The following DNAJC15 variants were observed in gnomAD, a reference collection of about 807,000 sequenced individuals.
DNAJC15 encodes the protein DnaJ heat shock protein family (Hsp40) member C15.
DNAJC15 carries 27 observed loss-of-function variants against 22.4 expected under a neutral mutation model. That is an observed-to-expected ratio of 1.20 (90% CI 0.89 to 1.66). DNAJC15 has a LOEUF of 1.66. Ranked by LOEUF, DNAJC15 falls within the 40% of genes most tolerant of loss-of-function variation. DNAJC15 has a pLI of 0.00. For missense variants in DNAJC15, 208 were observed against 187.1 expected (o/e 1.11, Z -0.65); for synonymous variants, 79 against 63.2 (o/e 1.25, Z -1.19).
At chr13:43,082,811 T>TA (rs945114088) in intron 4 of DNAJC15, among the ~76,000 whole-genome samples, 13 of 151,776 alleles carry the variant, frequency 8.6e-5, no homozygotes, top group African/African-American at 2.7e-4. Context: ...ATATATCTTC[T>TA]AAAAAAATAC....
rs549648097 is a variant in DNAJC15, at chr13:43,044,773, T to G, written c.109-20913T>G. Reference sequence around the variant, plus strand: ...ACTCCATATCCAGTGTCTCAGCAAATCCTATTGGCCTTACCTCCGAACTCT... The same window carrying G: ...ACTCCATATCCAGTGTCTCAGCAAAGCCTATTGGCCTTACCTCCGAACTCT... On this transcript the variant is annotated intron_variant, in intron 1 of 5. Transcript: ENST00000379221. Among the ~76,000 whole-genome samples the G allele has an allele frequency of 2.8e-3, 420 of 152,132 alleles. 2 individuals carry two copies. The highest frequency in any genetic ancestry group is 9.7e-3 in the African/African-American group (402 of 41,496).
chr13:43,102,281 AT>A (rs1260229815), intron 5 of DNAJC15, among the ~76,000 whole-genome samples: 3 of 150,934 alleles, frequency 2.0e-5, no homozygotes, highest in Non-Finnish European at 3.0e-5. Flanking sequence ...GGGATTATTT[AT>A]TTTTTTCTTG....
chr13:43,037,570 C>A lies in DNAJC15; in HGVS notation c.108+13836C>A, dbSNP rs180758500. Among the ~76,000 whole-genome samples the A allele has an allele frequency of 2.4e-3, 362 of 152,096 alleles. 1 individual carries two copies. Among genetic ancestry groups the A allele is most frequent in the Non-Finnish European group, 4.3e-3 (294 of 67,962 alleles). ...CTTCTGATGTTAAAACATGTTAAACCCATCTCACCAGGTGAGATCTTCCTT... is the reference window on the plus strand; with the variant it reads ...CTTCTGATGTTAAAACATGTTAAACACATCTCACCAGGTGAGATCTTCCTT... On this transcript the variant is annotated intron_variant, in intron 1 of 5. Coordinates refer to ENST00000379221, the MANE Select transcript of DNAJC15 (RefSeq NM_013238.3).
intron 5 of DNAJC15, among the ~76,000 whole-genome samples, chr13:43,105,114 A>C (rs906985611): frequency 6.6e-6 from 1 of 151,786 alleles, no homozygotes; most frequent in Non-Finnish European, 1.5e-5. Flanking sequence ...TATTGTTGGA[A>C]GATCTGAAGG....
intron 5 of DNAJC15, among the ~76,000 whole-genome samples, chr13:43,097,512 A>G (rs908366256): frequency 8.5e-5 from 13 of 152,202 alleles, no homozygotes; most frequent in Middle Eastern, 3.2e-3. Context: ...TAGGAAGACT[A>G]TTTTGGCAGC....
chr13:43,040,042 AT>A (rs1468304369), intron 1 of DNAJC15, among the ~76,000 whole-genome samples: 5 of 152,188 alleles, frequency 3.3e-5, no homozygotes, highest in Non-Finnish European at 7.3e-5. Context: ...AGAAAAAGAA[AT>A]ATATACATTT....
Position 43,059,110 on chromosome 13 carries a change from G to A in DNAJC15, c.109-6576G>A, listed in dbSNP as rs1440999461. Among the ~76,000 whole-genome samples, 2 of 152,124 alleles carry A rather than the reference G, an allele frequency of 1.3e-5. 1 individual carries two copies. Among genetic ancestry groups the A allele is most frequent in the Non-Finnish European group, 2.9e-5 (2 of 68,022 alleles). On this transcript the variant is annotated intron_variant, in intron 1 of 5. Transcript: ENST00000379221. Reference sequence around the variant, plus strand: ...CTCCACATGCTGTTTCTGCACGTCCGAGTGGGAGCTGGAAGTTAGTCCAGC... The same window carrying A: ...CTCCACATGCTGTTTCTGCACGTCCAAGTGGGAGCTGGAAGTTAGTCCAGC...
chr13:43,047,288 T>C (rs2040482926), intron 1 of DNAJC15, among the ~76,000 whole-genome samples: 1 of 152,200 alleles, frequency 6.6e-6, no homozygotes, highest in Non-Finnish European at 1.5e-5. Flanking sequence ...GGATTTGAAA[T>C]AGGTAAATGA....
At chr13:43,104,156 C>A (rs769026203) in intron 5 of DNAJC15, among the ~76,000 whole-genome samples, 9 of 152,042 alleles carry the variant, frequency 5.9e-5, no homozygotes, top group Non-Finnish European at 1.0e-4. Flanking sequence ...AGACATACAC[C>A]ATTTCCATAA....
chr13:43,061,631 C>T (rs2040559460), intron 1 of DNAJC15, among the ~76,000 whole-genome samples: 1 of 152,130 alleles, frequency 6.6e-6, no homozygotes, highest in South Asian at 2.1e-4. Context: ...TTTCAAATGG[C>T]GGAAAGCAGT....
At chr13:43,070,303 T>C (rs2040602730) in intron 3 of DNAJC15, among the ~76,000 whole-genome samples, 1 of 152,222 alleles carries the variant, frequency 6.6e-6, no homozygotes, top group Admixed American at 6.5e-5. Context: ...GTTTTCCTAT[T>C]TATATTTTAT....
intron 4 of DNAJC15, among the ~76,000 whole-genome samples, chr13:43,079,101 G>A (rs1471493493): frequency 6.6e-6 from 1 of 152,036 alleles, no homozygotes; most frequent in Admixed American, 6.6e-5. Flanking sequence ...TATTGTGCTT[G>A]TTTCACCTTA....
At chr13:43,033,859 C>G (rs1322009776) in intron 1 of DNAJC15, among the ~76,000 whole-genome samples, 1 of 151,910 alleles carries the variant, frequency 6.6e-6, no homozygotes. Flanking sequence ...CAAAACCCGT[C>G]TCTACTAAAA....
rs1464063865 is a variant in DNAJC15 at position 43,113,313 on chromosome 13, A to C, written c.*6065A>C. ...CTTGCAGCAATTGAAAGGGAATTTCAGTACTTTTATAGAATTCTTAAAAAT... is the reference window on the plus strand; with the variant it reads ...CTTGCAGCAATTGAAAGGGAATTTCCGTACTTTTATAGAATTCTTAAAAAT... On this transcript the variant is annotated 3_prime_UTR_variant, in exon 6 of 6. Transcript: ENST00000379221. The C allele has an allele frequency of 6.6e-6, 1 of 152,246 alleles. No homozygotes were observed. The highest frequency in any genetic ancestry group is 1.5e-5 in the Non-Finnish European group (1 of 68,030). 9.4% of individuals were successfully genotyped at this position (152,246 alleles called of 1,614,324 possible).
intron 1 of DNAJC15, among the ~76,000 whole-genome samples, chr13:43,034,073 A>C (rs900789483): frequency 6.6e-6 from 1 of 151,384 alleles, no homozygotes; most frequent in East Asian, 1.9e-4. Flanking sequence ...TCATCACATC[A>C]TATGAAGTGT....
intron 4 of DNAJC15, among the ~76,000 whole-genome samples, chr13:43,079,361 T>G (rs2040650989): frequency 6.6e-6 from 1 of 152,182 alleles, no homozygotes; most frequent in African/African-American, 2.4e-5. Context: ...AGTCCTGTAT[T>G]GACAAAAATG....
intron 5 of DNAJC15, among the ~76,000 whole-genome samples, chr13:43,096,279 A>G: frequency 6.6e-6 from 1 of 152,230 alleles, no homozygotes; most frequent in Non-Finnish European, 1.5e-5. Context: ...TAAAAATTTT[A>G]TGCAGTCCTA....
Position 43,108,216 on chromosome 13 carries a change from T to A in DNAJC15, c.*968T>A, listed in dbSNP as rs905758526. The stretch of plus-strand genomic sequence containing the variant: ...GCTAGGCTTTAGAAAAGAAAAATAT[T>A]CCGATACCATATGATTGGTGAGGTA... On this transcript the variant is annotated 3_prime_UTR_variant, in exon 6 of 6. Transcript: ENST00000379221. The A allele has an allele frequency of 6.6e-6, 1 of 152,184 alleles. No individual in the cohort carries two copies. Among genetic ancestry groups the A allele is most frequent in the Non-Finnish European group, 1.5e-5 (1 of 68,000 alleles). The allele number at this position is 152,184 out of a possible 1,614,324, so 9.4% of individuals were successfully genotyped here.
intron 5 of DNAJC15, among the ~76,000 whole-genome samples, chr13:43,089,890 A>G (rs985318635): frequency 2.6e-5 from 4 of 152,086 alleles, no homozygotes; most frequent in Non-Finnish European, 5.9e-5. Context: ...TTCCTTTTTC[A>G]CTTTGCCAGC....
Sources: gnomAD v4.1 joint callset for allele counts (sites outside exome capture counted in the v4.1 genomes callset) on GRCh38, gnomAD v4.1.1 for gene constraint, MANE v1.5 for transcripts, NCBI Gene and HGNC (gene_info 2026-07-23, HGNC 2026-07-21) for gene names.